TMPRSS15: variants seen among roughly 807,000 people sequenced by gnomAD.
The protein encoded by TMPRSS15 is transmembrane serine protease 15, also known as enteropeptidase.
In TMPRSS15, 128 loss-of-function variants were observed where a neutral mutation model predicts 125.3. That is an observed-to-expected ratio of 1.02 (90% confidence interval 0.89 to 1.18). The LOEUF (loss-of-function observed/expected upper bound fraction) is 1.18. Ranked by LOEUF, TMPRSS15 falls within the 50% of genes most tolerant of loss-of-function variation. The probability of loss-of-function intolerance (pLI) is 0.00; values close to 1 mark genes in which losing one functional copy is unlikely to be tolerated. For missense variants in TMPRSS15, 1,283 were observed against 1,212.7 expected, an observed-to-expected ratio of 1.06 and a Z score of -0.86; for synonymous variants, 446 against 423.2, an observed-to-expected ratio of 1.05 and a Z score of -0.66.
At chr21:18,466,431 C>T (rs1042799679) in intron 1 of TMPRSS15, among the ~76,000 whole-genome samples, 1 of 151,454 alleles carries the variant, frequency 6.6e-6, no homozygotes, top group Admixed American at 6.6e-5. Flanking sequence ...TTAAACTAAA[C>T]AGCTTCTGCA....
rs1044763141 is a variant in TMPRSS15 at position 18,463,076 on chromosome 21, A to T, written c.10+22723T>A. On this transcript the variant is annotated intron_variant, in intron 1 of 7. Transcript: ENST00000422787. ...AGCATAATTAATTTAACAATATTAA[A>T]CTTACATGTAAATGGGCTAATTGCC... 1.4e-4 allele frequency among the ~76,000 whole-genome samples: 21 copies of T among 151,978 alleles called. No individual in the cohort carries two copies. The South Asian group carries it at 4.4e-3, about 32-fold the overall frequency.
intron 1 of TMPRSS15, among the ~76,000 whole-genome samples, chr21:18,419,458 A>C (rs557019022): frequency 6.6e-6 from 1 of 151,942 alleles, no homozygotes; most frequent in Non-Finnish European, 1.5e-5. Context: ...ATCTCCTGAC[A>C]TCGTGATCCA....
intron 16 of TMPRSS15, among the ~76,000 whole-genome samples, chr21:18,324,730 A>T (rs1181750991): frequency 1.3e-5 from 2 of 152,156 alleles, no homozygotes; most frequent in African/African-American, 2.4e-5. Flanking sequence ...AGTAAGAAAG[A>T]TTTAGCTTTT....
intron 17 of TMPRSS15, among the ~76,000 whole-genome samples, chr21:18,313,909 AC>A (rs1466343806): frequency 0.01 from 1,521 of 147,292 alleles, 23 homozygotes; most frequent in African/African-American, 0.036. Context: ...AAAAAAAAAA[AC>A]CACTTTCTTT....
At chr21:18,347,545 T>G (rs912597011) in intron 10 of TMPRSS15, among the ~76,000 whole-genome samples, 2 of 152,212 alleles carry the variant, frequency 1.3e-5, no homozygotes, top group Non-Finnish European at 2.9e-5. Context: ...TATATTTTAT[T>G]TATGTTTATA....
intron 21 of TMPRSS15, among the ~76,000 whole-genome samples, chr21:18,292,446 A>G (rs1261184253): frequency 1.3e-5 from 2 of 152,182 alleles, no homozygotes; most frequent in Admixed American, 1.3e-4. Context: ...ACAATTGGAC[A>G]TGTGTTTATA....
intron 5 of TMPRSS15, among the ~76,000 whole-genome samples, chr21:18,374,239 C>A (rs910014832): frequency 6.6e-6 from 1 of 150,750 alleles, no homozygotes; most frequent in Non-Finnish European, 1.5e-5. Context: ...TTTGGGAGGC[C>A]GAGGCGGGTG....
chr21:18,477,181 C>T (rs745698983), intron 1 of TMPRSS15, among the ~76,000 whole-genome samples: 3 of 152,152 alleles, frequency 2.0e-5, no homozygotes, highest in Non-Finnish European at 2.9e-5. Context: ...CCAATCTTAC[C>T]GAGTTAGAAA....
chr21:18,429,483 C>A (rs1048627173), intron 1 of TMPRSS15, among the ~76,000 whole-genome samples: 5 of 152,250 alleles, frequency 3.3e-5, no homozygotes, highest in Non-Finnish European at 7.4e-5. Context: ...GGGAGGGAAC[C>A]AGTGGGAGAT....
chr21:18,335,050 A>G (rs1399524173), intron 13 of TMPRSS15, among the ~76,000 whole-genome samples: 3 of 152,234 alleles, frequency 2.0e-5, no homozygotes, highest in African/African-American at 7.2e-5. Flanking sequence ...ACTAATTTAC[A>G]AAGATTTCAG....
chr21:18,448,687 A>C (rs1417077961), intron 1 of TMPRSS15, among the ~76,000 whole-genome samples: 1 of 152,118 alleles, frequency 6.6e-6, no homozygotes, highest in Non-Finnish European at 1.5e-5. Context: ...ACATTTATAT[A>C]ATTTTAAATA....
intron 1 of TMPRSS15, among the ~76,000 whole-genome samples, chr21:18,409,789 T>C (rs2076160630): frequency 6.6e-6 from 1 of 151,872 alleles, no homozygotes; most frequent in African/African-American, 2.4e-5. Flanking sequence ...AATCAGTTTT[T>C]GGAAATATTT....
intron 10 of TMPRSS15, among the ~76,000 whole-genome samples, chr21:18,347,970 T>G (rs1018002988): frequency 7.9e-5 from 12 of 152,050 alleles, no homozygotes; most frequent in African/African-American, 2.2e-4. Context: ...TGGCTGTTTT[T>G]ACAAAAAAGA....
In TMPRSS15 at chr21:18,383,762, C is replaced by A. The variant is rs1244471079; in HGVS notation, c.361G>T (p.Val121Phe). The A allele has an allele frequency of 2.5e-6, 4 of 1,613,458 alleles. No individual in the cohort carries two copies. The East Asian group carries it at 8.9e-5, about 36-fold the overall frequency. Residue 121 changes from valine (V) to phenylalanine (F), a missense_variant, in exon 4 of 25, where the codon GTC becomes TTC. By Grantham distance (50) the Val-to-Phe change is conservative. Transcript: ENST00000284885. ...TGGGCAAAGAAAAGGTCAAATACGA[C>A]TATAATGCTGCCATTTCTGCAAAGC... ...VLQFENGSII[V>F]VFDLFFAQWV...
At chr21:18,410,964 G>A (rs1306362847) in intron 1 of TMPRSS15, among the ~76,000 whole-genome samples, 1 of 151,956 alleles carries the variant, frequency 6.6e-6, no homozygotes. Flanking sequence ...AATATCATTA[G>A]TTATTTTATC....
At chr21:18,360,797 T>C (rs2075673121) in intron 7 of TMPRSS15, among the ~76,000 whole-genome samples, 1 of 152,174 alleles carries the variant, frequency 6.6e-6, no homozygotes, top group South Asian at 2.1e-4. Flanking sequence ...TTTGGATTTT[T>C]TTTCTATTTC....
chr21:18,343,917 T>A (rs760002285), intron 11 of TMPRSS15, 38 bp downstream of exon 11: 1 of 1,573,642 alleles, frequency 6.4e-7, no homozygotes, highest in Non-Finnish European at 8.7e-7. Flanking sequence ...TGTTACCCAT[T>A]AAAAAAGACA....
intron 3 of TMPRSS15, among the ~76,000 whole-genome samples, chr21:18,386,966 CT>C (rs2075949469): frequency 6.6e-6 from 1 of 152,116 alleles, no homozygotes; most frequent in Non-Finnish European, 1.5e-5. Context: ...AAACATTTTT[CT>C]TTGAAAGGTG....
chr21:18,359,338 A>G (rs74488649), intron 8 of TMPRSS15, among the ~76,000 whole-genome samples: 5,303 of 152,160 alleles, frequency 0.035, 292 homozygotes, highest in African/African-American at 0.12. Context: ...AATAGCCTGC[A>G]GGAGACCGAG....
Sources: gnomAD v4.1 joint callset for allele counts (sites outside exome capture counted in the v4.1 genomes callset) on GRCh38, gnomAD v4.1.1 for gene constraint, MANE v1.5 for transcripts, NCBI Gene and HGNC (gene_info 2026-07-23, HGNC 2026-07-21) for gene names.